DNASE1: variants seen among roughly 807,000 people sequenced by gnomAD.
DNASE1 encodes deoxyribonuclease-1.
A neutral mutation model predicts 33.9 loss-of-function variants in DNASE1; 40 were observed. The ratio of observed to expected loss-of-function variants is 1.18; its 90% CI spans 0.92 to 1.54. The LOEUF (loss-of-function observed/expected upper bound fraction) is 1.54. DNASE1 is among the 40% of genes most tolerant of loss of function. The pLI, the probability that DNASE1 is intolerant of heterozygous loss-of-function variation, is 0.00. For missense variants in DNASE1, 518 were observed against 372.6 expected (o/e 1.39, Z -3.21); for synonymous variants, 216 against 160.0 (o/e 1.35, Z -2.64).
upstream of DNASE1, chr16:3,652,270 A>C (rs2042361014): frequency 6.6e-6 from 1 of 152,284 alleles, no homozygotes. Context: ...GGGGTTGGGC[A>C]CTTGCTCTGT....
At chr16:3,649,992 T>G (rs1226592914), upstream of DNASE1, among the ~76,000 whole-genome samples, 3 of 152,194 alleles carry the variant, frequency 2.0e-5, no homozygotes, top group South Asian at 6.2e-4. Context: ...AAATTTCAAG[T>G]CATCCTTAAA....
intron 1 of DNASE1, among the ~76,000 whole-genome samples, chr16:3,633,613 GAAAA>G (rs760178210): frequency 4.0e-4 from 35 of 88,296 alleles, no homozygotes; most frequent in African/African-American, 1.5e-3. Context: ...CATCTCAAGA[GAAAA>G]AAAAAAAAAA....
intron 1 of DNASE1, among the ~76,000 whole-genome samples, chr16:3,622,527 A>G (rs55939755): frequency 0.055 from 8,340 of 152,166 alleles, 284 homozygotes; most frequent in Admixed American, 0.073. Flanking sequence ...TCTTTTTCCT[A>G]TTGATTTGTA....
At chr16:3,614,999 A>G (rs996646767) in intron 1 of DNASE1, among the ~76,000 whole-genome samples, 1 of 152,216 alleles carries the variant, frequency 6.6e-6, no homozygotes, top group Non-Finnish European at 1.5e-5. Flanking sequence ...AAAATAAATT[A>G]GTTGAAGTGT....
downstream of DNASE1, chr16:3,661,927 C>T (rs1484408812): frequency 4.6e-6 from 7 of 1,517,102 alleles, no homozygotes; most frequent in Admixed American, 1.3e-4. Context: ...AACAAAAGAA[C>T]ACCACACACA....
chr16:3,626,403 G>C (rs1242187606), intron 1 of DNASE1, among the ~76,000 whole-genome samples: 1 of 152,190 alleles, frequency 6.6e-6, no homozygotes, highest in South Asian at 2.1e-4. Context: ...TGGTTATTTA[G>C]AAGTATGTTG....
intron 2 of DNASE1, 59 bp from the exon 3 acceptor site, chr16:3,655,790 G>C: frequency 1.3e-6 from 2 of 1,595,436 alleles, no homozygotes; most frequent in South Asian, 2.2e-5. Context: ...CCTTTGTGGC[G>C]CTGTAGGGTC....
chr16:3,635,425 C>G (rs1466727197), intron 1 of DNASE1, among the ~76,000 whole-genome samples: 2 of 147,946 alleles, frequency 1.4e-5, no homozygotes, highest in Non-Finnish European at 3.0e-5. Context: ...ACCATTGCAC[C>G]CCAGCCTGGG....
At chr16:3,644,603 C>T (rs2042115835) in intron 1 of DNASE1, among the ~76,000 whole-genome samples, 1 of 151,906 alleles carries the variant, frequency 6.6e-6, no homozygotes, top group Non-Finnish European at 1.5e-5. Context: ...GGGATGGTGG[C>T]ACATGCCTGT....
intron 1 of DNASE1, among the ~76,000 whole-genome samples, chr16:3,643,643 A>T (rs537619074): frequency 1.5e-3 from 227 of 152,230 alleles, no homozygotes; most frequent in Non-Finnish European, 3.0e-3. Context: ...AACCAGGTAC[A>T]CTGGGAAAGG....
chr16:3,631,764 C>A (rs2151178542), intron 1 of DNASE1, among the ~76,000 whole-genome samples: 1 of 152,196 alleles, frequency 6.6e-6, no homozygotes, highest in East Asian at 1.9e-4. Context: ...CTCAGGTGAT[C>A]CACCCACCTC....
upstream of DNASE1, chr16:3,654,395 A>G: frequency 2.5e-6 from 1 of 398,726 alleles, no homozygotes; most frequent in Admixed American, 4.4e-5. Flanking sequence ...CCTGATGGCG[A>G]TGAATCAGGA....
At chr16:3,632,503 G>T (rs566655344) in intron 1 of DNASE1, among the ~76,000 whole-genome samples, 21 of 151,480 alleles carry the variant, frequency 1.4e-4, no homozygotes, top group African/African-American at 4.8e-4. Context: ...TCTGAAGTCT[G>T]CTCTGCCTGA....
chr16:3,618,504 C>T (rs143935880), intron 1 of DNASE1, among the ~76,000 whole-genome samples: 21 of 152,252 alleles, frequency 1.4e-4, no homozygotes, highest in Non-Finnish European at 2.4e-4. Context: ...CCAAGGCGGG[C>T]GGATTACCTC....
intron 1 of DNASE1, among the ~76,000 whole-genome samples, chr16:3,619,364 T>C (rs951452219): frequency 6.8e-6 from 1 of 148,096 alleles, no homozygotes; most frequent in African/African-American, 2.5e-5. Flanking sequence ...TTTCTTTTAT[T>C]TTTTATTTTT....
rs774890803 is a variant in DNASE1 at position 3,656,166 on chromosome 16, C to T, written c.301C>T (p.Arg101Cys). The T allele has an allele frequency of 3.3e-5, 54 of 1,614,056 alleles. 1 individual carries two copies. The highest frequency in any genetic ancestry group is 1.1e-4 in the South Asian group (10 of 91,088). The change falls in exon 4 of 9, where the codon CGC (arginine) becomes TGC (cysteine). Residue 101 changes from arginine (R) to cysteine (C), a missense_variant. By Grantham distance (180) the Arg-to-Cys change is radical. Transcript: ENST00000246949. ...EPLGRNSYKE[R>C]YLFVYRPDQV... Reference sequence around the variant, plus strand: ...ACTGGGACGGAACAGCTATAAGGAGCGCTACCTGTTCGTGTACAGGTGGGT... The same window carrying T: ...ACTGGGACGGAACAGCTATAAGGAGTGCTACCTGTTCGTGTACAGGTGGGT...
intron 1 of DNASE1, among the ~76,000 whole-genome samples, chr16:3,630,406 C>T (rs1426353912): frequency 6.6e-6 from 1 of 151,774 alleles, no homozygotes; most frequent in Admixed American, 6.6e-5. Flanking sequence ...TGGCCTTGAA[C>T]TCCAAAGCTC....
upstream of DNASE1, chr16:3,642,825 T>C (rs2042062517): frequency 6.6e-6 from 1 of 152,322 alleles, no homozygotes; most frequent in Non-Finnish European, 1.5e-5. Flanking sequence ...GCCGTGCTAG[T>C]TGGACCAGCC....
At chr16:3,622,709 C>A (rs1258611996) in intron 1 of DNASE1, among the ~76,000 whole-genome samples, 2 of 152,096 alleles carry the variant, frequency 1.3e-5, no homozygotes, top group Non-Finnish European at 2.9e-5. Flanking sequence ...ACTTCAGCCT[C>A]CCACGTAGCT....
Sources: allele counts gnomAD v4.1 joint callset (sites outside exome capture counted in the v4.1 genomes callset), GRCh38; gene constraint gnomAD v4.1.1; transcripts MANE v1.5; gene names NCBI Gene and HGNC (gene_info 2026-07-23, HGNC 2026-07-21).